The following HPCAL1 variants were observed in gnomAD, a reference collection of about 807,000 sequenced individuals.
The protein encoded by HPCAL1 is hippocalcin-like protein 1.
Under a neutral mutation model 17.1 loss-of-function variants are expected in HPCAL1, and 8 were observed. That is an observed-to-expected ratio of 0.47 (90% CI 0.27 to 0.84). HPCAL1 has a LOEUF of 0.84. Ranked by LOEUF, HPCAL1 falls within the 40% of genes least tolerant of loss-of-function variation. HPCAL1 has a pLI of 0.13. For missense variants in HPCAL1, 165 were observed against 271.1 expected (o/e 0.61, Z 2.75); for synonymous variants, 112 against 111.4 (o/e 1.01, Z -0.03).
intron 2 of HPCAL1, among the ~76,000 whole-genome samples, chr2:10,409,433 A>C (rs2125609031): frequency 6.6e-6 from 1 of 152,290 alleles, no homozygotes; most frequent in East Asian, 1.9e-4. Flanking sequence ...CTCCTTGGAG[A>C]ACTACCGGGA....
At chr2:10,406,185 C>T (rs79251552) in intron 2 of HPCAL1, 6,781 of 152,324 alleles carry the variant, frequency 0.045, 199 homozygotes, top group Middle Eastern at 0.12. Flanking sequence ...GGGGATTCCT[C>T]GTCGTGCAGG....
intron 3 of HPCAL1, among the ~76,000 whole-genome samples, 188 bp downstream of exon 3, chr2:10,420,323 C>T (rs544258512): frequency 6.6e-6 from 1 of 150,782 alleles, no homozygotes; most frequent in East Asian, 2.0e-4. Context: ...GATTTTTCCG[C>T]TTCAGCCTCT....
chr2:10,308,207 T>G (rs758503816), intron 1 of HPCAL1, among the ~76,000 whole-genome samples: 1 of 152,168 alleles, frequency 6.6e-6, no homozygotes, highest in Non-Finnish European at 1.5e-5. Flanking sequence ...ATGCCTTTCT[T>G]CTGTCTCACC....
intron 1 of HPCAL1, among the ~76,000 whole-genome samples, chr2:10,345,972 G>A (rs897970658): frequency 4.6e-5 from 7 of 152,174 alleles, no homozygotes; most frequent in Non-Finnish European, 1.0e-4. Context: ...TCCAAACCAG[G>A]AAGAACAATT....
intron 1 of HPCAL1, among the ~76,000 whole-genome samples, chr2:10,369,395 T>C (rs1406118257): frequency 6.6e-6 from 1 of 152,234 alleles, no homozygotes; most frequent in East Asian, 1.9e-4. Context: ...TTTCTGGCCT[T>C]GCCTGTCTGC....
At position 10,308,787 on chromosome 2, in the gene HPCAL1, G is replaced by A. The variant is rs113000769; in HGVS notation, c.-111+5610G>A. On this transcript the variant is annotated intron_variant, in intron 1 of 4. Transcript: ENST00000307845. ...AGAGTGTGGGGATTTAAAATACAGC[G>A]CATGTATTGATGTGTCAGGTGATGT... is the stretch of plus-strand genomic sequence containing the variant. 5.0e-3 allele frequency among the ~76,000 whole-genome samples: 762 copies of A among 152,250 alleles called. 10 individuals are homozygous for A. Among genetic ancestry groups the A allele is most frequent in the African/African-American group, 0.017 (709 of 41,528 alleles).
At chr2:10,328,585 C>A (rs1209958961) in intron 1 of HPCAL1, among the ~76,000 whole-genome samples, 1 of 152,162 alleles carries the variant, frequency 6.6e-6, no homozygotes, top group Non-Finnish European at 1.5e-5. Flanking sequence ...GGGACACCCA[C>A]CTTCTGCTGC....
chr2:10,310,251 C>T lies in HPCAL1; in HGVS notation c.-111+7074C>T, dbSNP rs16856091. ...GTCATGTGCAGAAAGGGGTTCTAGG[C>T]GCAGCTCAGACGTAGATGGGGACGC... On this transcript the variant is annotated intron_variant, in intron 1 of 4. Transcript: ENST00000307845. This position sits in a 1 kb window ranked among gnomAD's most constrained non-coding sequence, Gnocchi z 4.5. 0.012 allele frequency among the ~76,000 whole-genome samples: 1,761 copies of T among 152,118 alleles called. 28 individuals are homozygous for T. The highest frequency in any genetic ancestry group is 0.04 in the African/African-American group (1,677 of 41,492).
chr2:10,423,431 G>A (rs1412972381), intron 4 of HPCAL1: 2 of 247,682 alleles, frequency 8.1e-6, no homozygotes, highest in Non-Finnish European at 1.6e-5. Flanking sequence ...TGGAGGGGTT[G>A]AGATCAAAGG....
intron 1 of HPCAL1, among the ~76,000 whole-genome samples, chr2:10,350,951 A>G (rs1665806705): frequency 1.3e-5 from 2 of 152,200 alleles, no homozygotes; most frequent in South Asian, 4.1e-4. Flanking sequence ...AGAAGGTGGA[A>G]CCCTCATACG....
chr2:10,321,030 C>T (rs753014871), intron 1 of HPCAL1, among the ~76,000 whole-genome samples: 7 of 151,820 alleles, frequency 4.6e-5, no homozygotes, highest in Non-Finnish European at 8.8e-5. Context: ...ACCTGAGACA[C>T]GGTCATTAAT....
intron 1 of HPCAL1, among the ~76,000 whole-genome samples, chr2:10,364,167 G>A (rs1015011266): frequency 3.3e-5 from 5 of 152,252 alleles, no homozygotes; most frequent in South Asian, 2.1e-4. Context: ...CTCCCAGCAC[G>A]TGGGTGGCAA....
intron 1 of HPCAL1, among the ~76,000 whole-genome samples, chr2:10,386,493 C>A (rs937290048): frequency 6.6e-6 from 1 of 152,082 alleles, no homozygotes; most frequent in Non-Finnish European, 1.5e-5. Flanking sequence ...GAGAAAGACC[C>A]CCCCCCAGGT....
At position 10,330,109 on chromosome 2, in the gene HPCAL1, CTA is replaced by C. The variant is rs1195300902; in HGVS notation, c.-111+26934_-111+26935del. On this transcript the variant is annotated intron_variant, in intron 1 of 4. Coordinates refer to ENST00000307845, the MANE Select transcript of HPCAL1 (RefSeq NM_002149.4). This position sits in a 1 kb window ranked among gnomAD's most constrained non-coding sequence, Gnocchi z 4.2. The stretch of plus-strand genomic sequence containing the variant: ...TTTTTTTTTTTTTTCCTTTTAGAGA[CTA>C]TGCACAATTTATGTGGCAAGCTAGA... The C allele has an allele frequency of 6.7e-6, 1 of 150,028 alleles. No individual in the cohort carries two copies. Among genetic ancestry groups the C allele is most frequent in the Non-Finnish European group, 1.5e-5 (1 of 67,856 alleles). 9.3% of individuals were successfully genotyped at this position (150,028 alleles called of 1,614,324 possible). A position where few individuals can be genotyped will look rare whatever the true frequency, so the allele number is the denominator to read the frequency against.
chr2:10,406,571 A>G (rs1427351915), intron 2 of HPCAL1, among the ~76,000 whole-genome samples: 1 of 152,242 alleles, frequency 6.6e-6, no homozygotes, highest in Non-Finnish European at 1.5e-5. Flanking sequence ...TCTGTCACTG[A>G]AAACCCCAAC....
chr2:10,426,927 C>T lies in HPCAL1; in HGVS notation c.*106C>T, dbSNP rs867874134. The T allele has an allele frequency of 2.3e-5, 25 of 1,092,704 alleles. No individual in the cohort carries two copies. Among genetic ancestry groups the T allele is most frequent in the African/African-American group, 6.2e-5 (4 of 64,736 alleles). The allele number at this position is 1,092,704 out of a possible 1,614,324, so 67.7% of individuals were successfully genotyped here. On this transcript the variant is annotated 3_prime_UTR_variant, in exon 5 of 5. Coordinates refer to ENST00000307845, the MANE Select transcript of HPCAL1 (RefSeq NM_002149.4). ...CAATCGTTCCTGCTCTCCCGGGCCC[C>T]GGGCCTGGGGCATGCGTTGCACCTG...
Position 10,423,069 on chromosome 2 carries a change from G to A in HPCAL1, c.465G>A (p.Gln155=). 7 of 1,612,696 alleles carry A rather than the reference G, an allele frequency of 4.3e-6. No homozygotes were observed. Among genetic ancestry groups the A allele is most frequent in the South Asian group, 2.2e-5 (2 of 91,074 alleles). Residue 155 remains glutamine, a synonymous_variant, in exon 4 of 5, where the codon CAG becomes CAA. Transcript: ENST00000307845. Reference sequence around the variant, plus strand: ...AGCGCACAGACAAGATCTTCAGGCAGATGGACACCAACAATGACGGTAGTG... The same window carrying A: ...AGCGCACAGACAAGATCTTCAGGCAAATGGACACCAACAATGACGGTAGTG... ...PEKRTDKIFR[Q]MDTNNDGKLS...
intron 1 of HPCAL1, among the ~76,000 whole-genome samples, chr2:10,345,289 G>A (rs1665362208): frequency 1.3e-5 from 2 of 152,104 alleles, no homozygotes; most frequent in Admixed American, 6.6e-5. Context: ...TGATAATACT[G>A]TACTCTGCGT....
chr2:10,324,700 C>G (rs572854462), intron 1 of HPCAL1, among the ~76,000 whole-genome samples: 41 of 139,702 alleles, frequency 2.9e-4, no homozygotes, highest in African/African-American at 1.0e-3. Flanking sequence ...GTCCTCTTGG[C>G]TAGTGGCTAG....
Sources: allele counts gnomAD v4.1 joint callset (sites outside exome capture counted in the v4.1 genomes callset), GRCh38; gene constraint gnomAD v4.1.1; non-coding constraint Gnocchi (gnomAD v3.1); transcripts MANE v1.5; gene names NCBI Gene and HGNC (gene_info 2026-07-23, HGNC 2026-07-21).